Variants in CELF2 observed in about 807,000 individuals in gnomAD.
The protein encoded by CELF2 is CUGBP Elav-like family member 2, also known as CUG triplet repeat RNA-binding protein 2.
A neutral mutation model predicts 62.6 loss-of-function variants in CELF2; 8 were observed. That is an observed-to-expected ratio of 0.13 (90% confidence interval 0.07 to 0.23). The LOEUF (loss-of-function observed/expected upper bound fraction) is 0.23. Ranked by LOEUF, CELF2 falls within the 10% of genes least tolerant of loss-of-function variation. The probability of loss-of-function intolerance (pLI) is 1.00; values close to 1 mark genes in which losing one functional copy is unlikely to be tolerated. For synonymous variants in CELF2, 258 were observed against 250.0 expected (o/e 1.03, Z -0.30); for missense variants, 333 against 671.0 (o/e 0.50, Z 5.56).
chr10:10,684,296 G>T, the CELF2 span, among the ~76,000 whole-genome samples: 1 of 152,102 alleles, frequency 6.6e-6, no homozygotes, highest in Admixed American at 6.6e-5. Flanking sequence ...TTATCTAATT[G>T]TAGTCAGAGC....
chr10:11,324,393 C>T lies in CELF2; in HGVS notation c.1295-1443C>T, dbSNP rs72775891. 0.011 allele frequency among the ~76,000 whole-genome samples: 1,673 copies of T among 152,316 alleles called. 22 individuals carry two copies. The highest frequency in any genetic ancestry group is 0.058 in the Middle Eastern group (17 of 294). On this transcript the variant is annotated intron_variant, in intron 11 of 12. Transcript: ENST00000633077. The surrounding 1 kb of genome is among the most constrained non-coding windows in gnomAD (Gnocchi z 4.7). ...CTCAGAACATCCCTTTCCAGTGTTTCAGGTTTTGCATCTTTTCATGTTAAA... is the reference window on the plus strand; with the variant it reads ...CTCAGAACATCCCTTTCCAGTGTTTTAGGTTTTGCATCTTTTCATGTTAAA...
chr10:10,667,635 G>A, the CELF2 span, among the ~76,000 whole-genome samples: 1 of 152,134 alleles, frequency 6.6e-6, no homozygotes, highest in Non-Finnish European at 1.5e-5. Flanking sequence ...TTGGATCTTG[G>A]AAACGTTCTC....
the CELF2 span, among the ~76,000 whole-genome samples, chr10:10,471,200 G>T: frequency 6.6e-6 from 1 of 151,648 alleles, no homozygotes; most frequent in South Asian, 2.1e-4. Context: ...TACATAAAAA[G>T]AATGAGTATT....
intron 3 of CELF2, among the ~76,000 whole-genome samples, chr10:11,222,032 T>C (rs1489430810): frequency 6.6e-6 from 1 of 152,230 alleles, no homozygotes; most frequent in Non-Finnish European, 1.5e-5. Flanking sequence ...AATGGGCCCC[T>C]TCCTGGCCTG....
At chr10:10,880,956 T>G (rs1408944942) in intron 1 of CELF2, among the ~76,000 whole-genome samples, 1 of 152,200 alleles carries the variant, frequency 6.6e-6, no homozygotes, top group South Asian at 2.1e-4. Context: ...TCTTCCTTAT[T>G]TATAGTGAGA....
At chr10:10,664,164 A>T in the CELF2 span, among the ~76,000 whole-genome samples, 8 of 152,220 alleles carry the variant, frequency 5.3e-5, no homozygotes, top group African/African-American at 1.9e-4. Flanking sequence ...AGCTGAAGCT[A>T]GATTTTCTCA....
intron 5 of CELF2, among the ~76,000 whole-genome samples, chr10:11,259,342 C>T (rs925621955): frequency 6.6e-6 from 1 of 151,906 alleles, no homozygotes; most frequent in Non-Finnish European, 1.5e-5. Flanking sequence ...CTCCAGAGCC[C>T]CAGCATGAAG....
In CELF2 at chr10:10,931,790, C is replaced by T. The variant is rs564118598; in HGVS notation, c.89+11791C>T. Among the ~76,000 whole-genome samples, 6 of 152,124 alleles carry T rather than the reference C, an allele frequency of 3.9e-5. No individual in the cohort carries two copies. In the South Asian group the frequency reaches 1.2e-3, roughly 32 times the overall value. On this transcript the variant is annotated intron_variant, in intron 2 of 13. Transcript: ENST00000636488. This position sits in a 1 kb window ranked among gnomAD's most constrained non-coding sequence, Gnocchi z 6.1. ...TCTCACGCTGCTAATAAAGACATAC[C>T]CACAACTGAGTAATTTATAAAGACA...
At chr10:10,507,171 T>G in the CELF2 span, among the ~76,000 whole-genome samples, 12 of 152,112 alleles carry the variant, frequency 7.9e-5, no homozygotes, top group Non-Finnish European at 4.4e-5. Flanking sequence ...CTTTTCTTTC[T>G]TTTTCTTTTT....
intron 1 of CELF2, among the ~76,000 whole-genome samples, chr10:11,103,995 T>C (rs2052632187): frequency 6.6e-6 from 1 of 152,230 alleles, no homozygotes; most frequent in African/African-American, 2.4e-5. Flanking sequence ...AGTTCTGTTT[T>C]TATTCAGCAA....
At chr10:11,181,079 A>C (rs2073207415) in intron 2 of CELF2, among the ~76,000 whole-genome samples, 1 of 152,198 alleles carries the variant, frequency 6.6e-6, no homozygotes, top group South Asian at 2.1e-4. Flanking sequence ...CATGTTGGCC[A>C]GGCTGGTCTC....
At chr10:10,506,447 GA>G in the CELF2 span, among the ~76,000 whole-genome samples, 1 of 152,064 alleles carries the variant, frequency 6.6e-6, no homozygotes, top group Non-Finnish European at 1.5e-5. Context: ...GTGACCACCA[GA>G]AAGATTGATG....
At chr10:10,950,934 G>T (rs1403174816) in intron 2 of CELF2, among the ~76,000 whole-genome samples, 1 of 152,196 alleles carries the variant, frequency 6.6e-6, no homozygotes, top group Admixed American at 6.5e-5. Flanking sequence ...GTTAAGAACA[G>T]TCAGATTTGA....
intron 9 of CELF2, among the ~76,000 whole-genome samples, chr10:11,293,860 A>G (rs2092834338): frequency 6.6e-6 from 1 of 152,178 alleles, no homozygotes; most frequent in Non-Finnish European, 1.5e-5. Flanking sequence ...TTTAAGGGCC[A>G]TCTGTTCAGT....
chr10:10,706,975 A>G, the CELF2 span, among the ~76,000 whole-genome samples: 1 of 152,228 alleles, frequency 6.6e-6, no homozygotes, highest in Non-Finnish European at 1.5e-5. Flanking sequence ...AAGCATGAAC[A>G]TAACTATTCC....
chr10:10,711,415 A>C, the CELF2 span, among the ~76,000 whole-genome samples: 1 of 152,172 alleles, frequency 6.6e-6, no homozygotes, highest in Non-Finnish European at 1.5e-5. Flanking sequence ...TCAGGGTTGC[A>C]TATCTGAGTC....
At position 11,330,768 on chromosome 10, in the gene CELF2, A is replaced by AGACTT. The variant is rs759004182; in HGVS notation, c.*1718_*1722dup. ...CTTATTTTTTTTCTTTTCCTAAAAC[A>AGACTT]GACTTGAAAGTATTATACAGGGATT... is the stretch of plus-strand genomic sequence containing the variant. On this transcript the variant is annotated 3_prime_UTR_variant, in exon 13 of 13. Coordinates refer to ENST00000633077, the MANE Select transcript of CELF2 (RefSeq NM_001326342.2). This position sits in a 1 kb window ranked among gnomAD's most constrained non-coding sequence, Gnocchi z 4.5. The AGACTT allele has an allele frequency of 6.6e-6, 1 of 152,654 alleles. No homozygotes were observed. Among genetic ancestry groups the AGACTT allele is most frequent in the East Asian group, 1.9e-4 (1 of 5,204 alleles). 9.5% of individuals were successfully genotyped at this position (152,654 alleles called of 1,614,324 possible). A position where few individuals can be genotyped will look rare whatever the true frequency, so the allele number is the denominator to read the frequency against.
intron 1 of CELF2, among the ~76,000 whole-genome samples, chr10:11,048,178 A>G (rs925920161): frequency 1.3e-5 from 2 of 152,246 alleles, no homozygotes; most frequent in East Asian, 3.8e-4. Flanking sequence ...TCAAGAAAGT[A>G]TAGTTTGAAC....
chr10:11,165,564 C>G lies in CELF2; in HGVS notation c.153C>G (p.Val51=), dbSNP rs780416243. The part of the protein sequence containing the change: ...QPDPDAIKMF[V]GQIPRSWSEK... Reference sequence around the variant, plus strand: ...ACCCAGATGCCATTAAGATGTTTGTCGGACAGATCCCCCGGTCATGGTCGG... The same window carrying G: ...ACCCAGATGCCATTAAGATGTTTGTGGGACAGATCCCCCGGTCATGGTCGG... Residue 51 remains valine, a synonymous_variant, in exon 2 of 13, where the codon GTC becomes GTG. Transcript: ENST00000633077. The surrounding 1 kb of genome is among the most constrained non-coding windows in gnomAD (Gnocchi z 7.4). The G allele has an allele frequency of 6.2e-7, 1 of 1,614,204 alleles. No individual in the cohort carries two copies. The highest frequency in any genetic ancestry group is 1.1e-5 in the South Asian group (1 of 91,084).
Sources: gnomAD v4.1 joint callset for allele counts (sites outside exome capture counted in the v4.1 genomes callset) on GRCh38, gnomAD v4.1.1 for gene constraint, Gnocchi (gnomAD v3.1) non-coding constraint, MANE v1.5 for transcripts, NCBI Gene and HGNC (gene_info 2026-07-23, HGNC 2026-07-21) for gene names.